PSMA3: variants seen among roughly 807,000 people sequenced by gnomAD.
The protein encoded by PSMA3 is proteasome subunit alpha type-3.
PSMA3 carries 8 observed loss-of-function variants against 40.0 expected under a neutral mutation model. That is an observed-to-expected ratio of 0.20 (90% CI 0.12 to 0.36). PSMA3 has a LOEUF of 0.36. PSMA3 is among the 10% of genes least tolerant of loss of function. PSMA3 has a pLI of 1.00. For missense variants in PSMA3, 219 were observed against 310.6 expected (o/e 0.70, Z 2.22); for synonymous variants, 110 against 100.0 (o/e 1.10, Z -0.59).
chr14:58,248,670 T>C (rs550702694), intron 2 of PSMA3, among the ~76,000 whole-genome samples: 1 of 151,814 alleles, frequency 6.6e-6, no homozygotes, highest in Non-Finnish European at 1.5e-5. Flanking sequence ...GAAGAAAAAA[T>C]GCAGCCGGGC....
At chr14:58,261,222 G>T (rs1004018914) in intron 6 of PSMA3, among the ~76,000 whole-genome samples, 3 of 150,190 alleles carry the variant, frequency 2.0e-5, no homozygotes, top group African/African-American at 7.4e-5. Context: ...TCTCACTGTG[G>T]CCCAGGCTGG....
Position 58,271,871 on chromosome 14 carries a change from T to A in PSMA3, c.744T>A (p.Asp248Glu). The A allele has an allele frequency of 2.5e-6, 4 of 1,597,574 alleles. No homozygotes were observed. In the South Asian group the frequency reaches 4.4e-5, roughly 18 times the overall value. Reference sequence around the variant, plus strand: ...AACAGGAATCTCTGAAGGAAGAAGATGAATCAGATGATGATAATATGTAAC... The same window carrying A: ...AACAGGAATCTCTGAAGGAAGAAGAAGAATCAGATGATGATAATATGTAAC... ...KYAKESLKEE[D>E]ESDDDNM Residue 248 changes from aspartate (D) to glutamate (E), a missense_variant, in exon 11 of 11, where the codon GAT becomes GAA. By Grantham distance (45) the Asp-to-Glu change is conservative. Coordinates refer to ENST00000216455, the MANE Select transcript of PSMA3 (RefSeq NM_002788.4).
At chr14:58,256,839 C>T (rs1338009878) in intron 3 of PSMA3, among the ~76,000 whole-genome samples, 1 of 151,980 alleles carries the variant, frequency 6.6e-6, no homozygotes, top group African/African-American at 2.4e-5. Context: ...CAAATTTGGG[C>T]CGGGCACGGC....
At position 58,270,970 on chromosome 14, in the gene PSMA3, T is replaced by C. The variant is rs772232386; in HGVS notation, c.695T>C (p.Ile232Thr). 5.0e-6 allele frequency: 8 copies of C among 1,609,076 alleles called. No homozygotes were observed. In the Admixed American group the frequency reaches 5.0e-5, roughly 10 times the overall value. Residue 232 changes from isoleucine (I) to threonine (T), a missense_variant, in exon 10 of 11, where the codon ATA (isoleucine) becomes ACA (threonine). Ile to Thr is a moderately conservative substitution (Grantham distance 89). Transcript: ENST00000216455. ...AGACATGAAATTGTTCCAAAAGATA[T>C]AAGAGAAGAAGCAGAGAAATATGCT... ...NGRHEIVPKD[I>T]REEAEKYAKE...
chr14:58,255,852 CTGTTTT>C (rs752930955), intron 3 of PSMA3, among the ~76,000 whole-genome samples: 33 of 152,244 alleles, frequency 2.2e-4, no homozygotes, highest in Middle Eastern at 3.4e-3. Context: ...AACTGCAATT[CTGTTTT>C]TGTTTTTGTT....
intron 6 of PSMA3, 184 bp from the exon 7 acceptor site, chr14:58,263,517 GAATT>G (rs532519213): frequency 9.9e-5 from 44 of 446,416 alleles, no homozygotes; most frequent in African/African-American, 7.8e-4. Context: ...GGTTGTTTTG[GAATT>G]GTTTGGTATT....
At chr14:58,264,374 T>C (rs1471848909) in intron 7 of PSMA3, among the ~76,000 whole-genome samples, 1 of 152,240 alleles carries the variant, frequency 6.6e-6, no homozygotes, top group Non-Finnish European at 1.5e-5. Flanking sequence ...CTCTTACGAC[T>C]ACCCACTTTT....
At position 58,257,746 on chromosome 14, in the gene PSMA3, C is replaced by A; in HGVS notation, c.230C>A (p.Ala77Glu). The A allele has an allele frequency of 6.2e-7, 1 of 1,606,474 alleles. No homozygotes were observed. The highest frequency in any genetic ancestry group is 8.5e-7 in the Non-Finnish European group (1 of 1,174,868). ...AGTAAATTGGTGCTTTTTTTTCAGG[C>A]AGTAGCAGGTTTGTTGGCAGATGCT... ...LFNVDRHVGM[A>E]VAGLLADARS... The change falls in exon 4 of 11, where the codon GCA becomes GAA. Residue 77 changes from alanine to glutamate, a missense_variant and splice_region_variant. Coordinates refer to ENST00000216455, the MANE Select transcript of PSMA3 (RefSeq NM_002788.4).
rs548632231 is a variant in PSMA3, at chr14:58,255,451, G to A, written c.229-2294G>A. 1.7e-4 allele frequency among the ~76,000 whole-genome samples: 26 copies of A among 152,180 alleles called. No individual in the cohort carries two copies. In the East Asian group the frequency reaches 4.8e-3, roughly 28 times the overall value. ...ATCTAATGTTCAAACGGAACTACTT[G>A]GACATTTTTCTCCAAACTTAGAATG... On this transcript the variant is annotated intron_variant, in intron 3 of 10. Coordinates refer to ENST00000216455, the MANE Select transcript of PSMA3 (RefSeq NM_002788.4).
chr14:58,270,887 A>G, intron 9 of PSMA3, 47 bp from the exon 10 acceptor site: 1 of 1,459,144 alleles, frequency 6.9e-7, no homozygotes, highest in Middle Eastern at 2.2e-4. Context: ...AAGTTACAAT[A>G]TGGTACTCAA....
At chr14:58,269,372 T>C (rs1485370196) in intron 8 of PSMA3, among the ~76,000 whole-genome samples, 1 of 152,160 alleles carries the variant, frequency 6.6e-6, no homozygotes, top group Admixed American at 6.5e-5. Context: ...TTAAAAAGAC[T>C]ACTGCCAAGA....
At chr14:58,257,078 G>T (rs373094447) in intron 3 of PSMA3, among the ~76,000 whole-genome samples, 3 of 144,094 alleles carry the variant, frequency 2.1e-5, no homozygotes, top group African/African-American at 7.7e-5. Flanking sequence ...CTCCAGCCTA[G>T]GTGACACAGT....
intron 7 of PSMA3, chr14:58,266,098 T>TA (rs1491252409): frequency 1.3e-5 from 2 of 152,172 alleles, no homozygotes; most frequent in South Asian, 2.1e-4. Flanking sequence ...TTAGAACTTT[T>TA]AGTCTTTTTC....
At chr14:58,259,833 G>A (rs1890230877) in intron 5 of PSMA3, among the ~76,000 whole-genome samples, 1 of 152,174 alleles carries the variant, frequency 6.6e-6, no homozygotes, top group African/African-American at 2.4e-5. Context: ...GCCAGAGAGA[G>A]TTAAGTATGC....
intron 8 of PSMA3, 77 bp downstream of exon 8, chr14:58,267,597 G>A (rs1179095846): frequency 8.8e-6 from 12 of 1,365,666 alleles, no homozygotes; most frequent in East Asian, 2.8e-5. Context: ...TTAATCCTAA[G>A]AAGCTGTTTT....
At chr14:58,248,251 C>G (rs1425132336) in intron 2 of PSMA3, among the ~76,000 whole-genome samples, 1 of 152,168 alleles carries the variant, frequency 6.6e-6, no homozygotes, top group African/African-American at 2.4e-5. Context: ...TGTTTTGAGA[C>G]CTGAGTCTCA....
chr14:58,247,562 A>G (rs1594822623), intron 1 of PSMA3, among the ~76,000 whole-genome samples, 188 bp from the exon 2 acceptor site: 1 of 152,200 alleles, frequency 6.6e-6, no homozygotes, highest in East Asian at 1.9e-4. Flanking sequence ...TCAATAGCTG[A>G]AATCGAAGGT....
chr14:58,252,059 A>C, intron 2 of PSMA3, 60 bp from the exon 3 acceptor site: 1 of 1,525,808 alleles, frequency 6.6e-7, no homozygotes, highest in Non-Finnish European at 8.8e-7. Context: ...TGTTAAACTT[A>C]AGTTTATGAA....
chr14:58,255,053 T>A (rs1890111659), intron 3 of PSMA3, among the ~76,000 whole-genome samples: 1 of 152,168 alleles, frequency 6.6e-6, no homozygotes, highest in Non-Finnish European at 1.5e-5. Context: ...AAAAACTTGG[T>A]TGGTTTATGG....
Sources: allele counts gnomAD v4.1 joint callset (sites outside exome capture counted in the v4.1 genomes callset), GRCh38; gene constraint gnomAD v4.1.1; transcripts MANE v1.5; gene names NCBI Gene and HGNC (gene_info 2026-07-23, HGNC 2026-07-21).